SLC39A4: variants seen among roughly 807,000 people sequenced by gnomAD.
SLC39A4 encodes zinc transporter ZIP4.
A neutral mutation model predicts 56.6 loss-of-function variants in SLC39A4; 49 were observed. The observed-to-expected ratio is 0.87, with a 90% CI of 0.69 to 1.10. The LOEUF (loss-of-function observed/expected upper bound fraction) is 1.10, where lower values mean the gene tolerates loss of function less well. Among genes scored for constraint, SLC39A4 ranks in the 50% least tolerant of loss-of-function variants. SLC39A4 has a pLI of 0.00. For synonymous variants in SLC39A4, 540 were observed against 420.4 expected (o/e 1.28, Z -3.48); for missense variants, 993 against 864.2 (o/e 1.15, Z -1.87).
chr8:144,414,186 G>A, intron 6 of SLC39A4, 76 bp downstream of exon 6: 1 of 1,577,268 alleles, frequency 6.3e-7, no homozygotes, highest in Non-Finnish European at 8.6e-7. Context: ...GGGTGGGTAA[G>A]GTCCCTGGGA....
Position 144,415,412 on chromosome 8 carries a change from A to G in SLC39A4, c.482T>C (p.Val161Ala), listed in dbSNP as rs1430917731. The change falls in exon 3 of 12, where the codon GTA becomes GCA. Residue 161 changes from valine (V) to alanine (A), a missense_variant. Transcript: ENST00000301305. The stretch of plus-strand genomic sequence containing the variant: ...CTCCTCCAGCAGCTGAGGGATATCT[A>G]CGCAGGCCTGGGGAAGAGGGGGCCT... The part of the protein sequence containing the change: ...AAGQTPKMAC[V>A]DIPQLLEEAV... 3 of 1,602,162 alleles carry G rather than the reference A, an allele frequency of 1.9e-6. No homozygotes were observed. Among genetic ancestry groups the G allele is most frequent in the East Asian group, 4.5e-5 (2 of 44,464 alleles).
In SLC39A4 at chr8:144,416,634, C is replaced by T. The variant is rs574424739; in HGVS notation, c.156G>A (p.Ala52=). The T allele has an allele frequency of 1.5e-4, 235 of 1,604,660 alleles. No homozygotes were observed. The highest frequency in any genetic ancestry group is 3.3e-4 in the Middle Eastern group (2 of 5,972). The change falls in exon 1 of 12, where the codon GCG becomes GCA. Residue 52 remains alanine (A), a synonymous_variant. Coordinates refer to ENST00000301305, the MANE Select transcript of SLC39A4 (RefSeq NM_130849.4). The part of the protein sequence containing the change: ...EALGGLLNTL[A]DRVHCANGPC... ...GCCCGTTGGCGCAGTGCACACGGTC[C>T]GCCAGCGTATTTAACAGGCCGCCCA...
intron 5 of SLC39A4, 53 bp downstream of exon 5, chr8:144,414,672 C>T (rs1554873167): frequency 2.5e-6 from 4 of 1,602,300 alleles, no homozygotes; most frequent in African/African-American, 2.7e-5. Context: ...TCCTTCCTTC[C>T]TACACGGGCT....
At chr8:144,416,394 A>C in intron 1 of SLC39A4, 1 of 1,448,202 alleles carries the variant, frequency 6.9e-7, no homozygotes, top group Non-Finnish European at 9.0e-7. Context: ...TGGGGAGAAG[A>C]GGGACTGTGT....
Position 144,414,972 on chromosome 8 carries a change from A to G in SLC39A4, c.804+2T>C. On this transcript the variant is annotated splice_donor_variant, in intron 4 of 11. Coordinates refer to ENST00000301305, the MANE Select transcript of SLC39A4 (RefSeq NM_130849.4). LOFTEE classifies it high-confidence loss of function. ...CCCATCTTACCCCAGGGCGCAGCTC[A>G]CCGTGTCCCACACACTGGAGCTGTT... The G allele has an allele frequency of 6.2e-7, 1 of 1,612,782 alleles. No individual in the cohort carries two copies. Among genetic ancestry groups the G allele is most frequent in the Non-Finnish European group, 8.5e-7 (1 of 1,179,956 alleles).
intron 5 of SLC39A4, 24 bp from the exon 6 acceptor site, chr8:144,414,458 G>A (rs1554873115): frequency 1.3e-6 from 2 of 1,549,834 alleles, no homozygotes; most frequent in South Asian, 1.2e-5. Context: ...AGGCGGCTGT[G>A]AGAGCTTTTC....
intron 9 of SLC39A4, 38 bp from the exon 10 acceptor site, chr8:144,413,427 C>T (rs116260554): frequency 1.3e-6 from 2 of 1,598,068 alleles, no homozygotes; most frequent in African/African-American, 2.7e-5. Flanking sequence ...CGTGGCCTGT[C>T]GCCTACCGCC....
chr8:144,413,169 G>A (rs1213451350), intron 10 of SLC39A4, 68 bp downstream of exon 10: 53 of 1,472,674 alleles, frequency 3.6e-5, no homozygotes, highest in Non-Finnish European at 4.5e-5. Flanking sequence ...CCGCCCACCT[G>A]TTCCAGGTCT....
rs1822126814 is a variant in SLC39A4, at chr8:144,415,328, T to C, written c.566A>G (p.His189Arg). 1.2e-6 allele frequency: 2 copies of C among 1,612,686 alleles called. No homozygotes were observed. Among genetic ancestry groups the C allele is most frequent in the East Asian group, 2.2e-5 (1 of 44,868 alleles). ...AGGVLAALLDHVRSGSCFHAL... is the reference protein window; with the variant it reads ...AGGVLAALLDRVRSGSCFHAL... ...GTGGAAGCAAGACCCGCTCCTGACA[T>C]GGTCCAGCAGGGCAGCCAGGACGCC... The change falls in exon 3 of 12, where the codon CAT becomes CGT. Residue 189 changes from histidine (H) to arginine (R), a missense_variant. His to Arg is a conservative substitution (Grantham distance 29, BLOSUM62 0). Coordinates refer to ENST00000301305, the MANE Select transcript of SLC39A4 (RefSeq NM_130849.4).
rs782461239 is a variant in SLC39A4 at position 144,413,970 on chromosome 8, G to A, written c.1275C>T (p.Pro425=). ...LFENLFNLLL[P]RDPEDLEDGP... ...CAAGAAGCCTGACCTCCGGGTCCCT[G>A]GGCAGCAGGAGATTGAAGAGGTTCT... Residue 425 remains proline, a synonymous_variant, in exon 7 of 12, where the codon CCC becomes CCT. Coordinates refer to ENST00000301305, the MANE Select transcript of SLC39A4 (RefSeq NM_130849.4). 6.2e-7 allele frequency: 1 copy of A among 1,610,294 alleles called. No homozygotes were observed. The highest frequency in any genetic ancestry group is 1.3e-5 in the African/African-American group (1 of 74,892).
chr8:144,414,337 G>A lies in SLC39A4; in HGVS notation c.1074C>T (p.His358=), dbSNP rs781956546. ...GGCTCAGGAAGGTCTGCAGGATGTA[G>A]TGGGTGACCCCCCTGCAGCCAGTGC... ...LTCTGCRGVT[H]YILQTFLSLA... is the part of the protein sequence containing the mutation. Residue 358 remains histidine, a synonymous_variant, in exon 6 of 12, where the codon CAC becomes CAT. Transcript: ENST00000301305. 2 of 1,598,584 alleles carry A rather than the reference G, an allele frequency of 1.3e-6. No individual in the cohort carries two copies. Among genetic ancestry groups the A allele is most frequent in the Non-Finnish European group, 1.7e-6 (2 of 1,174,350 alleles).
intron 1 of SLC39A4, chr8:144,416,359 G>C: frequency 6.8e-7 from 1 of 1,460,288 alleles, no homozygotes; most frequent in Non-Finnish European, 9.0e-7. Context: ...CAGAGGGCCG[G>C]CAGGGGGAGT....
Position 144,415,808 on chromosome 8 carries a change from A to AC in SLC39A4, c.474+1dup. 6.3e-7 allele frequency: 1 copy of AC among 1,589,820 alleles called. No individual in the cohort carries two copies. Among genetic ancestry groups the AC allele is most frequent in the South Asian group, 1.1e-5 (1 of 89,726 alleles). On this transcript the variant is annotated splice_donor_variant, in intron 2 of 11. Transcript: ENST00000301305. LOFTEE classifies it high-confidence loss of function. Reference sequence around the variant, plus strand: ...CCCTGGTCTGCCTGGACTCTCCCTCACCATCTTGGGGGTCTGGCCGGCAGC... The same window carrying AC: ...CCCTGGTCTGCCTGGACTCTCCCTCACCCATCTTGGGGGTCTGGCCGGCAGC...
rs900260448 is a variant in SLC39A4 at position 144,412,574 on chromosome 8, C to T, written c.1908G>A (p.Leu636=). The T allele has an allele frequency of 6.2e-7, 1 of 1,614,174 alleles. No individual in the cohort carries two copies. Among genetic ancestry groups the T allele is most frequent in the Non-Finnish European group, 8.5e-7 (1 of 1,180,032 alleles). ...TGTCATCCTCGTACAGGGACAGCAG[C>T]AGCAGGACGGTCCAGCCGCCCAGCA... is the stretch of plus-strand genomic sequence containing the variant. ...VGLLGGWTVL[L]LLSLYEDDIT... is the part of the protein sequence containing the mutation. The change falls in exon 12 of 12, where the codon CTG becomes CTA. Residue 636 remains leucine (L), a synonymous_variant. Transcript: ENST00000301305.
intron 5 of SLC39A4, 62 bp from the exon 6 acceptor site, chr8:144,414,496 C>G: frequency 6.5e-7 from 1 of 1,546,718 alleles, no homozygotes. Context: ...GCTTCCCGGG[C>G]GCTGCTCACC....
chr8:144,413,321 C>T lies in SLC39A4; in HGVS notation c.1543G>A (p.Val515Met), dbSNP rs368695329. ...CAGGAGGACGCGAAGGCGGCGCCCA[C>T]GGCCAGCCCGTCGGCGAAGTTGTGC... ...AVHNFADGLA[V>M]GAAFASSWKT... Residue 515 changes from valine (V) to methionine (M), a missense_variant, in exon 10 of 12, where the codon GTG (valine) becomes ATG (methionine). Physicochemically the swap from Val to Met is conservative, Grantham distance 21 (BLOSUM62 1). Coordinates refer to ENST00000301305, the MANE Select transcript of SLC39A4 (RefSeq NM_130849.4). The T allele has an allele frequency of 1.2e-6, 2 of 1,604,852 alleles. No homozygotes were observed. The highest frequency in any genetic ancestry group is 1.7e-5 in the Admixed American group (1 of 59,734).
Position 144,413,750 on chromosome 8 carries a change from C to G in SLC39A4, c.1419G>C (p.Leu473=), listed in dbSNP as rs1554872566. 1 of 1,537,428 alleles carries G rather than the reference C, an allele frequency of 6.5e-7. No homozygotes were observed. Among genetic ancestry groups the G allele is most frequent in the Admixed American group, 2.0e-5 (1 of 51,046 alleles). ...GATGGGGCATCTGGCGCCCACTCAC[C>G]AGGTCTGCGCGGGAGCCCTCGTGGG... ...KPPHEGSRAD[L]VAEESPELLN... The change falls in exon 8 of 12, where the codon CTG becomes CTC. Residue 473 remains leucine (L), a splice_region_variant and synonymous_variant. Coordinates refer to ENST00000301305, the MANE Select transcript of SLC39A4 (RefSeq NM_130849.4).
chr8:144,414,798 G>C lies in SLC39A4; in HGVS notation c.903C>G (p.Leu301=). ...TGCAGGCTCCACTCAGCTGCTGTTG[G>C]AGCAGGGCAGGGCTCAGTTGGGCCC... is the stretch of plus-strand genomic sequence containing the variant. ...EAWAQLSPAL[L]QQQLSGACTS... The change falls in exon 5 of 12, where the codon CTC becomes CTG. Residue 301 remains leucine (L), a synonymous_variant. Transcript: ENST00000301305. 6.2e-7 allele frequency: 1 copy of C among 1,613,206 alleles called. No individual in the cohort carries two copies. The highest frequency in any genetic ancestry group is 8.5e-7 in the Non-Finnish European group (1 of 1,179,984).
intron 1 of SLC39A4, 54 bp downstream of exon 1, chr8:144,416,544 C>A (rs1188156282): frequency 2.0e-6 from 3 of 1,536,634 alleles, no homozygotes; most frequent in Non-Finnish European, 2.6e-6. Context: ...GCTGGCAGGG[C>A]GGAGCTGGCG....
Sources: gnomAD v4.1 joint callset for allele counts on GRCh38, gnomAD v4.1.1 for gene constraint, MANE v1.5 for transcripts, NCBI Gene and HGNC (gene_info 2026-07-23, HGNC 2026-07-21) for gene names.